Variants in CTNNA2 observed in about 807,000 individuals in gnomAD.
The protein encoded by CTNNA2 is catenin alpha-2.
CTNNA2 carries 42 observed loss-of-function variants against 101.0 expected under a neutral mutation model. That is an observed-to-expected ratio of 0.42 (90% confidence interval 0.32 to 0.54). The LOEUF is 0.54. CTNNA2 is among the 20% of genes least tolerant of loss of function. The pLI, the probability that CTNNA2 is intolerant of heterozygous loss-of-function variation, is 0.14. For synonymous variants in CTNNA2, 450 were observed against 456.4 expected (o/e 0.99, Z 0.18); for missense variants, 871 against 1,223.1 (o/e 0.71, Z 4.29).
intron 3 of CTNNA2, among the ~76,000 whole-genome samples, chr2:79,829,027 T>C (rs938479491): frequency 2.0e-5 from 3 of 152,138 alleles, no homozygotes; most frequent in African/African-American, 7.2e-5. Flanking sequence ...TTAAGTGAAA[T>C]GTTTTCAAAC....
intron 7 of CTNNA2, among the ~76,000 whole-genome samples, chr2:80,296,503 G>A (rs573622056): frequency 2.0e-5 from 3 of 152,256 alleles, no homozygotes; most frequent in Non-Finnish European, 4.4e-5. Flanking sequence ...TGTTAACTAT[G>A]TGTTAACTTT....
At chr2:79,635,169 A>G (rs1380835769) in intron 1 of CTNNA2, among the ~76,000 whole-genome samples, 1 of 152,160 alleles carries the variant, frequency 6.6e-6, no homozygotes, top group Non-Finnish European at 1.5e-5. Context: ...TCAGGTGCTG[A>G]TAGAATTTAT....
chr2:80,302,206 C>T lies in CTNNA2; in HGVS notation c.1057-91005C>T, dbSNP rs374147500. On this transcript the variant is annotated intron_variant, in intron 7 of 18. Coordinates refer to ENST00000402739, the MANE Select transcript of CTNNA2 (RefSeq NM_001282597.3). The surrounding 1 kb of genome is among the most constrained non-coding windows in gnomAD (Gnocchi z 6.4). Reference sequence around the variant, plus strand: ...GGTGCCCGCCGGCCCGTCCCGGCTGCCCAGGCGTATTTGGTAGCGCATGGG... The same window carrying T: ...GGTGCCCGCCGGCCCGTCCCGGCTGTCCAGGCGTATTTGGTAGCGCATGGG... 1 of 1,580,658 alleles carries T rather than the reference C, an allele frequency of 6.3e-7. No homozygotes were observed. Among genetic ancestry groups the T allele is most frequent in the Non-Finnish European group, 8.6e-7 (1 of 1,162,738 alleles).
chr2:79,894,005 CT>C (rs1221033538), intron 6 of CTNNA2, among the ~76,000 whole-genome samples: 3 of 88,588 alleles, frequency 3.4e-5, no homozygotes, highest in African/African-American at 7.5e-5. Flanking sequence ...TCTTCTTCTT[CT>C]TCTTCTTCTT....
chr2:80,555,643 A>G, intron 11 of CTNNA2, 50 bp from the exon 12 acceptor site: 1 of 1,135,086 alleles, frequency 8.8e-7, no homozygotes, highest in Non-Finnish European at 1.2e-6. Flanking sequence ...TAATTGGTTA[A>G]GTTCTGAGTT....
At chr2:80,329,502 A>G (rs1457977898) in intron 7 of CTNNA2, among the ~76,000 whole-genome samples, 2 of 152,200 alleles carry the variant, frequency 1.3e-5, no homozygotes, top group African/African-American at 4.8e-5. Context: ...CAAAGAGCAG[A>G]CACATGGGAA....
chr2:79,623,344 A>G (rs1454986985), intron 1 of CTNNA2, among the ~76,000 whole-genome samples: 1 of 152,158 alleles, frequency 6.6e-6, no homozygotes, highest in Non-Finnish European at 1.5e-5. Context: ...ACTTGAGCAT[A>G]TATACTTACA....
chr2:80,029,871 A>C (rs1436953342), intron 7 of CTNNA2, among the ~76,000 whole-genome samples: 1 of 152,146 alleles, frequency 6.6e-6, no homozygotes, highest in African/African-American at 2.4e-5. Flanking sequence ...TTGCCCATTT[A>C]GCAAAAATAT....
chr2:79,916,905 G>C (rs528916969), intron 7 of CTNNA2, among the ~76,000 whole-genome samples: 19 of 151,974 alleles, frequency 1.3e-4, no homozygotes, highest in African/African-American at 4.1e-4. Context: ...TTACAGGCTT[G>C]AGCCGCTGTG....
At chr2:80,399,515 G>C (rs1331654734) in intron 8 of CTNNA2, among the ~76,000 whole-genome samples, 1 of 152,120 alleles carries the variant, frequency 6.6e-6, no homozygotes, top group Non-Finnish European at 1.5e-5. Context: ...TCATCAAATG[G>C]TACACTATAC....
chr2:79,469,313 C>T (rs1670973065), intron 4 of CTNNA2, among the ~76,000 whole-genome samples: 1 of 152,138 alleles, frequency 6.6e-6, no homozygotes, highest in South Asian at 2.1e-4. Flanking sequence ...CATACACCCT[C>T]CCAAGACTAA....
At chr2:79,237,867 G>A (rs752597630) in intron 2 of CTNNA2, among the ~76,000 whole-genome samples, 1 of 152,162 alleles carries the variant, frequency 6.6e-6, no homozygotes, top group East Asian at 1.9e-4. Flanking sequence ...TGGTTTACGG[G>A]AATGTTGTGG....
intron 7 of CTNNA2, among the ~76,000 whole-genome samples, chr2:80,382,001 C>CT (rs1676557586): frequency 6.6e-6 from 1 of 152,252 alleles, no homozygotes; most frequent in East Asian, 1.9e-4. Context: ...AAATTTCCAT[C>CT]TTTTTCCCGC....
At position 79,947,555 on chromosome 2, in the gene CTNNA2, G is replaced by T. The variant is rs537983259; in HGVS notation, c.1056+37758G>T. On this transcript the variant is annotated intron_variant, in intron 7 of 18. Transcript: ENST00000402739. ...AATACCTAGGATTTGCATTGCCATT[G>T]AACAGATAAACCATTAGATTGGTTT... Among the ~76,000 whole-genome samples the T allele has an allele frequency of 7.3e-4, 111 of 152,286 alleles. 2 individuals are homozygous for T. The South Asian group carries it at 0.022, about 31-fold the overall frequency.
chr2:79,400,444 G>A (rs544728448), intron 4 of CTNNA2, among the ~76,000 whole-genome samples: 1 of 152,010 alleles, frequency 6.6e-6, no homozygotes, highest in African/African-American at 2.4e-5. Context: ...TATCAATAAA[G>A]AGTTAGAAAT....
intron 3 of CTNNA2, among the ~76,000 whole-genome samples, chr2:79,353,645 G>A (rs1288798056): frequency 1.3e-5 from 2 of 152,082 alleles, no homozygotes; most frequent in African/African-American, 2.4e-5. Context: ...GCCAATTTAA[G>A]TGGGATATTT....
At chr2:79,828,159 C>CTTTG (rs1245481579) in intron 3 of CTNNA2, among the ~76,000 whole-genome samples, 1 of 152,060 alleles carries the variant, frequency 6.6e-6, no homozygotes, top group Non-Finnish European at 1.5e-5. Context: ...TGTTAAAGAT[C>CTTTG]TTTGCATTTG....
intron 3 of CTNNA2, among the ~76,000 whole-genome samples, chr2:79,818,271 TTTG>T (rs1677694027): frequency 6.6e-6 from 1 of 152,086 alleles, no homozygotes; most frequent in South Asian, 2.1e-4. Flanking sequence ...AATTAGCATA[TTTG>T]TTGTTTTTCT....
chr2:80,271,203 C>A (rs970152527), intron 7 of CTNNA2, among the ~76,000 whole-genome samples: 6 of 152,148 alleles, frequency 3.9e-5, no homozygotes, highest in African/African-American at 2.4e-5. Flanking sequence ...CTTTATCCCC[C>A]CCTTGGGTCA....
Sources: gnomAD v4.1 joint callset for allele counts (sites outside exome capture counted in the v4.1 genomes callset) on GRCh38, gnomAD v4.1.1 for gene constraint, Gnocchi (gnomAD v3.1) non-coding constraint, MANE v1.5 for transcripts, NCBI Gene and HGNC (gene_info 2026-07-23, HGNC 2026-07-21) for gene names.